Variants in NOX4 observed in about 807,000 individuals in gnomAD.
NOX4 encodes NADPH oxidase 4, also known as kidney oxidase-1.
NOX4 carries 69 observed loss-of-function variants against 87.6 expected under a neutral mutation model. The observed-to-expected ratio is 0.79, with a 90% CI of 0.65 to 0.96. The LOEUF is 0.96. Among genes scored for constraint, NOX4 ranks in the 40% least tolerant of loss-of-function variants. The pLI is 0.00. For synonymous variants in NOX4, 275 were observed against 238.2 expected, an observed-to-expected ratio of 1.15 and a Z score of -1.42; for missense variants, 680 against 681.5, an observed-to-expected ratio of 1.00 and a Z score of 0.02.
chr11:89,486,574 ATATGTG>A (rs1946615550), intron 2 of NOX4, among the ~76,000 whole-genome samples: 6 of 142,150 alleles, frequency 4.2e-5, no homozygotes, highest in South Asian at 2.1e-4. Context: ...ATATACATAT[ATATGTG>A]TGTATATATG....
chr11:89,540,120 A>C, the NOX4 span, among the ~76,000 whole-genome samples: 1 of 152,182 alleles, frequency 6.6e-6, no homozygotes, highest in African/African-American at 2.4e-5. Context: ...TCATACATGC[A>C]ACATAAAATG....
intron 5 of NOX4, chr11:89,443,825 A>G (rs370410347): frequency 8.4e-6 from 2 of 237,896 alleles, no homozygotes; most frequent in South Asian, 2.4e-4. Context: ...GGCACTGTCA[A>G]CACTCTCAGC....
chr11:89,508,114 A>C, the NOX4 span, among the ~76,000 whole-genome samples: 2 of 152,078 alleles, frequency 1.3e-5, no homozygotes, highest in Non-Finnish European at 2.9e-5. Flanking sequence ...TTGGTATGTA[A>C]ACTGACTTTC....
At chr11:89,485,268 G>A (rs1383321799) in intron 2 of NOX4, among the ~76,000 whole-genome samples, 1 of 152,056 alleles carries the variant, frequency 6.6e-6, no homozygotes, top group East Asian at 1.9e-4. Context: ...TCAAGATCAT[G>A]CAGCAGATCT....
the NOX4 span, among the ~76,000 whole-genome samples, chr11:89,554,175 T>A: frequency 5.3e-5 from 8 of 151,874 alleles, no homozygotes; most frequent in African/African-American, 1.9e-4. Context: ...GGGAGGGGAA[T>A]CTCTTATTTT....
At chr11:89,469,979 T>G (rs906568661) in intron 2 of NOX4, among the ~76,000 whole-genome samples, 12 of 152,014 alleles carry the variant, frequency 7.9e-5, no homozygotes, top group Non-Finnish European at 1.6e-4. Context: ...CAATTTGAAG[T>G]CACATAAACC....
the NOX4 span, among the ~76,000 whole-genome samples, chr11:89,582,305 T>C: frequency 6.6e-6 from 1 of 152,166 alleles, no homozygotes; most frequent in Non-Finnish European, 1.5e-5. Context: ...TTTAGGTTTT[T>C]TCCATATTGT....
intron 12 of NOX4, 140 bp from the exon 13 acceptor site, chr11:89,355,183 A>G: frequency 1.7e-6 from 1 of 576,126 alleles, no homozygotes; most frequent in South Asian, 2.0e-5. Flanking sequence ...TTTACCCACC[A>G]TTTTATGTAT....
At chr11:89,503,898 A>G in the NOX4 span, among the ~76,000 whole-genome samples, 1 of 147,866 alleles carries the variant, frequency 6.8e-6, no homozygotes, top group Non-Finnish European at 1.5e-5. Context: ...TGGCCACCAT[A>G]GACATGATCC....
intron 13 of NOX4, among the ~76,000 whole-genome samples, chr11:89,348,710 T>TA (rs1336261057): frequency 1.3e-5 from 2 of 151,976 alleles, no homozygotes; most frequent in African/African-American, 4.8e-5. Context: ...ACACACGTGC[T>TA]CCACACATAC....
the NOX4 span, among the ~76,000 whole-genome samples, chr11:89,559,872 T>C: frequency 6.6e-6 from 1 of 152,050 alleles, no homozygotes; most frequent in African/African-American, 2.4e-5. Flanking sequence ...GTCTCTGAAT[T>C]GAGAAAAAGC....
the NOX4 span, among the ~76,000 whole-genome samples, chr11:89,571,096 A>T: frequency 6.6e-6 from 1 of 152,142 alleles, no homozygotes; most frequent in Non-Finnish European, 1.5e-5. Flanking sequence ...AAGAGTATTC[A>T]GTTTAGCCAT....
the NOX4 span, among the ~76,000 whole-genome samples, chr11:89,563,675 T>C: frequency 6.6e-6 from 1 of 152,230 alleles, no homozygotes; most frequent in Admixed American, 6.5e-5. Context: ...AGTTGATCCC[T>C]GCTTTCACCT....
In NOX4 at chr11:89,325,244, C is replaced by T. The variant is rs2135349857; in HGVS notation, c.*1512G>A. On this transcript the variant is annotated 3_prime_UTR_variant, in exon 18 of 18. Coordinates refer to ENST00000263317, the MANE Select transcript of NOX4 (RefSeq NM_016931.5). ...GGTTCAAGCGATTCTTTGCCTCAGT[C>T]TCCCGAGTAGTTGGGATTATAGGCA... 6.8e-6 allele frequency: 1 copy of T among 147,976 alleles called. No individual in the cohort carries two copies. The highest frequency in any genetic ancestry group is 2.1e-4 in the East Asian group (1 of 4,860). The allele number at this position is 147,976 out of a possible 1,614,324, so 9.2% of individuals were successfully genotyped here.
chr11:89,347,771 A>T lies in NOX4; in HGVS notation c.1218-5578T>A, dbSNP rs144809460. 1.9e-3 allele frequency among the ~76,000 whole-genome samples: 292 copies of T among 152,286 alleles called. 1 individual carries two copies. Among genetic ancestry groups the T allele is most frequent in the African/African-American group, 6.7e-3 (280 of 41,560 alleles). ...CCCTTAGACATCTATCTGATCTTCC[A>T]TATTACTATTACCACAGTACAAACC... is the stretch of plus-strand genomic sequence containing the variant. On this transcript the variant is annotated intron_variant, in intron 13 of 17. Transcript: ENST00000263317.
intron 6 of NOX4, among the ~76,000 whole-genome samples, chr11:89,437,250 C>T (rs1298852211): frequency 6.6e-6 from 1 of 151,974 alleles, no homozygotes; most frequent in Non-Finnish European, 1.5e-5. Context: ...CACCTGTAAT[C>T]CCAGTTACTT....
intron 2 of NOX4, among the ~76,000 whole-genome samples, chr11:89,468,372 A>C (rs1047457096): frequency 6.6e-6 from 1 of 152,238 alleles, no homozygotes; most frequent in Non-Finnish European, 1.5e-5. Context: ...TTGTTGATAT[A>C]ATTTTAAGAC....
chr11:89,332,203 A>T (rs1360050942), intron 17 of NOX4, among the ~76,000 whole-genome samples: 4 of 130,400 alleles, frequency 3.1e-5, no homozygotes, highest in African/African-American at 4.6e-5. Flanking sequence ...TTACAGATCC[A>T]GGAGAAGTCA....
the NOX4 span, among the ~76,000 whole-genome samples, chr11:89,560,467 T>C: frequency 6.6e-6 from 1 of 152,070 alleles, no homozygotes; most frequent in African/African-American, 2.4e-5. Flanking sequence ...ATGGTTAATT[T>C]TAGATGTCAA....
Sources: gnomAD v4.1 joint callset for allele counts (sites outside exome capture counted in the v4.1 genomes callset) on GRCh38, gnomAD v4.1.1 for gene constraint, MANE v1.5 for transcripts, NCBI Gene and HGNC (gene_info 2026-07-23, HGNC 2026-07-21) for gene names.